Variants in MAPKAP1 observed in about 807,000 individuals in gnomAD.
MAPKAP1 encodes the protein target of rapamycin complex 2 subunit MAPKAP1.
Under a neutral mutation model 65.7 loss-of-function variants are expected in MAPKAP1, and 20 were observed. The observed-to-expected ratio is 0.30, with a 90% CI of 0.21 to 0.44. The LOEUF is 0.44. Ranked by LOEUF, MAPKAP1 falls within the 20% of genes least tolerant of loss-of-function variation. The probability of loss-of-function intolerance (pLI) is 1.00; values close to 1 mark genes in which losing one functional copy is unlikely to be tolerated. For synonymous variants in MAPKAP1, 222 were observed against 244.3 expected (o/e 0.91, Z 0.85); for missense variants, 423 against 648.0 (o/e 0.65, Z 3.77).
chr9:125,539,060 G>T (rs1165770020), intron 7 of MAPKAP1, among the ~76,000 whole-genome samples: 1 of 152,138 alleles, frequency 6.6e-6, no homozygotes, highest in African/African-American at 2.4e-5. Flanking sequence ...CATTCTAGGG[G>T]TCTTGTGAAA....
At chr9:125,496,222 G>A (rs998292735) in intron 8 of MAPKAP1, among the ~76,000 whole-genome samples, 1 of 152,178 alleles carries the variant, frequency 6.6e-6, no homozygotes, top group African/African-American at 2.4e-5. Context: ...AGGACTCACA[G>A]GTATGTGGCG....
chr9:125,468,243 T>C (rs1013340379), intron 9 of MAPKAP1, 134 bp from the exon 10 acceptor site: 5 of 844,092 alleles, frequency 5.9e-6, no homozygotes, highest in Non-Finnish European at 7.2e-6. Context: ...CTTTGGGGAA[T>C]GCCACGGGCT....
intron 1 of MAPKAP1, among the ~76,000 whole-genome samples, chr9:125,691,261 AAAAAC>A (rs370495455): frequency 6.6e-5 from 10 of 152,126 alleles, no homozygotes; most frequent in Non-Finnish European, 1.2e-4. Context: ...ACTCCGTCTC[AAAAAC>A]AAAACAAAAC....
chr9:125,583,955 C>T (rs560621557), intron 5 of MAPKAP1, among the ~76,000 whole-genome samples: 3 of 151,848 alleles, frequency 2.0e-5, no homozygotes, highest in Non-Finnish European at 4.4e-5. Flanking sequence ...CCCAGCTACT[C>T]GGGAGGCTGA....
chr9:125,474,634 T>C (rs1052424564), intron 9 of MAPKAP1, among the ~76,000 whole-genome samples: 2 of 152,190 alleles, frequency 1.3e-5, no homozygotes, highest in Non-Finnish European at 2.9e-5. Flanking sequence ...AGGAGACTGC[T>C]TGACTCTTGG....
intron 1 of MAPKAP1, among the ~76,000 whole-genome samples, chr9:125,698,286 TAAATATA>T (rs1279237368): frequency 1.6e-4 from 4 of 25,802 alleles, no homozygotes; most frequent in African/African-American, 7.3e-4. Flanking sequence ...ATAATATATA[TAAATATA>T]TATATATATA....
chr9:125,635,562 A>G (rs1833400522), intron 4 of MAPKAP1, among the ~76,000 whole-genome samples: 1 of 152,228 alleles, frequency 6.6e-6, no homozygotes, highest in African/African-American at 2.4e-5. Flanking sequence ...TGTCTGAGAA[A>G]GAGACTAGTG....
intron 5 of MAPKAP1, among the ~76,000 whole-genome samples, chr9:125,563,024 A>G (rs1830938076): frequency 6.6e-6 from 1 of 152,240 alleles, no homozygotes; most frequent in Non-Finnish European, 1.5e-5. Context: ...TATTACTTAT[A>G]AAAAGTTAGA....
At chr9:125,559,020 A>G (rs1830815926) in intron 6 of MAPKAP1, 1 of 152,238 alleles carries the variant, frequency 6.6e-6, no homozygotes, top group South Asian at 2.1e-4. Context: ...TGTTAGGTAT[A>G]CAGCTGGATA....
At chr9:125,684,019 G>A (rs1834900157) in intron 1 of MAPKAP1, among the ~76,000 whole-genome samples, 1 of 151,990 alleles carries the variant, frequency 6.6e-6, no homozygotes, top group African/African-American at 2.4e-5. Flanking sequence ...CTCATCCTTG[G>A]TAAACCCTTC....
chr9:125,624,610 T>TG lies in MAPKAP1; in HGVS notation c.498+33040dup, dbSNP rs1163952873. On this transcript the variant is annotated intron_variant, in intron 4 of 11. Coordinates refer to ENST00000265960, the MANE Select transcript of MAPKAP1 (RefSeq NM_001006617.3). ...CCAGCCGCCCCGTCCGGGAGGGAGG[T>TG]GGGGGGGGGGGTCAGCCCCCCTGCC... Among the ~76,000 whole-genome samples the TG allele has an allele frequency of 8.3e-3, 138 of 16,534 alleles. 16 individuals carry two copies. The highest frequency in any genetic ancestry group is 0.05 in the Middle Eastern group (1 of 20). 10.8% of individuals were successfully genotyped at this position (16,534 alleles called of 152,430 possible).
At chr9:125,524,311 G>A (rs1207005082) in intron 7 of MAPKAP1, among the ~76,000 whole-genome samples, 1 of 152,206 alleles carries the variant, frequency 6.6e-6, no homozygotes, top group African/African-American at 2.4e-5. Context: ...ATCTCTAAGT[G>A]GGGAATGATG....
At chr9:125,651,018 G>C (rs938572498) in intron 4 of MAPKAP1, among the ~76,000 whole-genome samples, 3 of 152,110 alleles carry the variant, frequency 2.0e-5, no homozygotes, top group Non-Finnish European at 4.4e-5. Flanking sequence ...CTAGGCTGGA[G>C]TGCAGTGGTG....
At chr9:125,522,650 A>G (rs925424770) in intron 7 of MAPKAP1, among the ~76,000 whole-genome samples, 14 of 152,186 alleles carry the variant, frequency 9.2e-5, no homozygotes, top group African/African-American at 3.4e-4. Context: ...GCCTCCAGCC[A>G]ACCACTCTTC....
At chr9:125,506,506 A>G in intron 7 of MAPKAP1, 89 bp from the exon 8 acceptor site, 1 of 1,073,590 alleles carries the variant, frequency 9.3e-7, no homozygotes. Flanking sequence ...TGAAAAGCTG[A>G]TAAAGCCTTA....
Position 125,438,600 on chromosome 9 carries a change from G to A in MAPKAP1, c.*287C>T. The stretch of plus-strand genomic sequence containing the variant: ...CTGTACATCCTCGGGCAGGGTGGCA[G>A]GCATTGAAGGTGGCTGGGCGGCACG... On this transcript the variant is annotated 3_prime_UTR_variant, in exon 12 of 12. Coordinates refer to ENST00000265960, the MANE Select transcript of MAPKAP1 (RefSeq NM_001006617.3). The A allele has an allele frequency of 4.3e-6, 2 of 466,542 alleles. No homozygotes were observed. The highest frequency in any genetic ancestry group is 5.5e-5 in the South Asian group (1 of 18,308). 28.9% of individuals were successfully genotyped at this position (466,542 alleles called of 1,614,324 possible).
At chr9:125,652,878 G>A (rs936409818) in intron 4 of MAPKAP1, among the ~76,000 whole-genome samples, 1 of 152,158 alleles carries the variant, frequency 6.6e-6, no homozygotes, top group Non-Finnish European at 1.5e-5. Flanking sequence ...CACCCTCTCT[G>A]CTGTACTTCT....
chr9:125,550,987 GTAAC>G (rs1251994769), intron 6 of MAPKAP1, among the ~76,000 whole-genome samples: 4 of 152,130 alleles, frequency 2.6e-5, no homozygotes, highest in African/African-American at 7.2e-5. Context: ...CCTTGAATTA[GTAAC>G]TAACTACCTG....
At chr9:125,505,150 C>G (rs770305981) in intron 8 of MAPKAP1, among the ~76,000 whole-genome samples, 3 of 151,918 alleles carry the variant, frequency 2.0e-5, no homozygotes, top group Non-Finnish European at 4.4e-5. Flanking sequence ...GAGTTTGAAC[C>G]GCCGGGCGCG....
Sources: allele counts gnomAD v4.1 joint callset (sites outside exome capture counted in the v4.1 genomes callset), GRCh38; gene constraint gnomAD v4.1.1; transcripts MANE v1.5; gene names NCBI Gene and HGNC (gene_info 2026-07-23, HGNC 2026-07-21).